Variants in SLCO1A2 observed in about 807,000 individuals in gnomAD.
SLCO1A2 encodes OATP-1.
Under a neutral mutation model 69.0 loss-of-function variants are expected in SLCO1A2, and 67 were observed. The ratio of observed to expected loss-of-function variants is 0.97; its 90% CI spans 0.80 to 1.19. The LOEUF (loss-of-function observed/expected upper bound fraction) is 1.19. Among genes scored for constraint, SLCO1A2 ranks in the 50% most tolerant of loss-of-function variants. The probability of loss-of-function intolerance (pLI) is 0.00; values close to 1 mark genes in which losing one functional copy is unlikely to be tolerated. For synonymous variants in SLCO1A2, 260 were observed against 265.9 expected, an observed-to-expected ratio of 0.98 and a Z score of 0.22; for missense variants, 787 against 793.7, an observed-to-expected ratio of 0.99 and a Z score of 0.10.
chr12:21,290,650 T>C (rs1383236042), intron 12 of SLCO1A2, among the ~76,000 whole-genome samples: 3 of 152,034 alleles, frequency 2.0e-5, no homozygotes, highest in Non-Finnish European at 4.4e-5. Flanking sequence ...CATATAAAAA[T>C]AGATTTGAGA....
intron 5 of SLCO1A2, 30 bp from the exon 6 acceptor site, chr12:21,304,603 G>C (rs778403373): frequency 1.9e-6 from 3 of 1,566,192 alleles, no homozygotes; most frequent in Non-Finnish European, 2.6e-6. Flanking sequence ...CATGACATTA[G>C]TGCTTTGACG....
chr12:21,374,403 G>C (rs1455951104), exon 2 of SLCO1A2: 1 of 152,164 alleles, frequency 6.6e-6, no homozygotes, highest in African/African-American at 2.4e-5. Flanking sequence ...GTTTACCTTT[G>C]TAAAGAGTGT....
At chr12:21,312,852 T>A (rs991016311) in intron 4 of SLCO1A2, among the ~76,000 whole-genome samples, 7 of 152,080 alleles carry the variant, frequency 4.6e-5, no homozygotes, top group Non-Finnish European at 8.8e-5. Flanking sequence ...GGCAGGCGCA[T>A]TGCTTGAACC....
At chr12:21,412,108 C>T (rs540327706) in intron 1 of SLCO1A2, among the ~76,000 whole-genome samples, 23 of 152,258 alleles carry the variant, frequency 1.5e-4, no homozygotes, top group African/African-American at 4.3e-4. Context: ...AGACTGGGCG[C>T]GGTGGCTTAT....
chr12:21,407,898 C>T (rs1380383018), intron 1 of SLCO1A2, among the ~76,000 whole-genome samples: 1 of 151,712 alleles, frequency 6.6e-6, no homozygotes, highest in Admixed American at 6.6e-5. Context: ...AGCCAAATCG[C>T]TACTGCAAAA....
At chr12:21,354,506 T>A (rs145987531) in intron 2 of SLCO1A2, among the ~76,000 whole-genome samples, 289 of 152,246 alleles carry the variant, frequency 1.9e-3, no homozygotes, top group African/African-American at 6.8e-3. Context: ...TGTGAGCATT[T>A]TCCAGAAAAA....
At position 21,373,979 on chromosome 12, in the gene SLCO1A2, T is replaced by C. The variant is rs1053439129; in HGVS notation, c.-63+420A>G. Among the ~76,000 whole-genome samples the C allele has an allele frequency of 3.9e-5, 6 of 152,286 alleles. 1 individual carries two copies. Among genetic ancestry groups the C allele is most frequent in the Non-Finnish European group, 4.4e-5 (3 of 68,004 alleles). ...AAGAAGTAGTTAAAAAGCCATTTGC[T>C]GTTGGGGGATTTATTCTATATTGCT... is the stretch of plus-strand genomic sequence containing the variant. On this transcript the variant is annotated intron_variant, in intron 2 of 15. Coordinates refer to the SLCO1A2 transcript ENST00000307378.
chr12:21,361,477 C>A (rs1433270164), intron 2 of SLCO1A2, among the ~76,000 whole-genome samples: 1 of 152,152 alleles, frequency 6.6e-6, no homozygotes, highest in Non-Finnish European at 1.5e-5. Flanking sequence ...ATTAGCGCAC[C>A]TCTTCTCCTC....
intron 12 of SLCO1A2, among the ~76,000 whole-genome samples, chr12:21,276,556 C>A (rs2086193): frequency 0.1 from 14,949 of 144,660 alleles, 1,009 homozygotes; most frequent in Non-Finnish European, 0.14. Context: ...AAAAAAAAAC[C>A]AAAAAAAACC....
At chr12:21,383,363 T>G (rs115804788) in intron 1 of SLCO1A2, among the ~76,000 whole-genome samples, 2,737 of 152,272 alleles carry the variant, frequency 0.018, 47 homozygotes, top group African/African-American at 0.039. Context: ...CTATAGCTGG[T>G]CCCTTAACGT....
At chr12:21,291,305 T>A (rs1283285533) in intron 12 of SLCO1A2, among the ~76,000 whole-genome samples, 1 of 152,148 alleles carries the variant, frequency 6.6e-6, no homozygotes, top group Non-Finnish European at 1.5e-5. Flanking sequence ...ACACAAAAAA[T>A]TCTAATATTT....
chr12:21,393,522 G>C (rs1330398359), intron 1 of SLCO1A2, among the ~76,000 whole-genome samples: 2 of 152,116 alleles, frequency 1.3e-5, no homozygotes, highest in Non-Finnish European at 2.9e-5. Flanking sequence ...AAGCTGCTTA[G>C]AGACCAGCCG....
chr12:21,293,842 T>C (rs1947293418), intron 11 of SLCO1A2, 103 bp downstream of exon 11: 1 of 921,528 alleles, frequency 1.1e-6, no homozygotes, highest in African/African-American at 1.7e-5. Flanking sequence ...AGTAATATGG[T>C]TTTGAGGAAA....
rs1491262397 is a variant in SLCO1A2 at position 21,299,886 on chromosome 12, ACG to A, written c.910+460_910+461del. ...TATATACGTGTGTGTATATATATAT[ACG>A]TGTATATATATATATACGTGTGTGT... On this transcript the variant is annotated intron_variant, in intron 8 of 14. Transcript: ENST00000683939. Among the ~76,000 whole-genome samples the A allele has an allele frequency of 5.4e-5, 3 of 55,586 alleles. No homozygotes were observed. The Admixed American group carries it at 8.3e-4, about 15-fold the overall frequency. 36.5% of individuals were successfully genotyped at this position (55,586 alleles called of 152,430 possible). A position where few individuals can be genotyped will look rare whatever the true frequency, so the allele number is the denominator to read the frequency against.
chr12:21,295,703 G>A lies in SLCO1A2; in HGVS notation c.1165C>T (p.His389Tyr). 6.2e-7 allele frequency: 1 copy of A among 1,607,904 alleles called. No homozygotes were observed. Among genetic ancestry groups the A allele is most frequent in the Non-Finnish European group, 8.5e-7 (1 of 1,174,646 alleles). Residue 389 changes from histidine (H) to tyrosine (Y), a missense_variant, in exon 10 of 15, where the codon CAC becomes TAC. Transcript: ENST00000683939. ...AGTAAGGATAACCAACATCCTATGTGGGCAGCTTGTTTGACAGTAATCTTG... is the reference window on the plus strand; with the variant it reads ...AGTAAGGATAACCAACATCCTATGTAGGCAGCTTGTTTGACAGTAATCTTG... Reference protein sequence around the residue: ...KFKITVKQAAHIGCWLSLLEY... With the variant: ...KFKITVKQAAYIGCWLSLLEY...
intron 8 of SLCO1A2, among the ~76,000 whole-genome samples, chr12:21,299,800 G>GTATA (rs200018541): frequency 2.9e-5 from 3 of 103,650 alleles, no homozygotes; most frequent in Non-Finnish European, 5.3e-5. Context: ...ACACACACAC[G>GTATA]TATATATATA....
chr12:21,337,290 A>C (rs985397059), upstream of SLCO1A2, among the ~76,000 whole-genome samples: 1 of 152,060 alleles, frequency 6.6e-6, no homozygotes, highest in Non-Finnish European at 1.5e-5. Flanking sequence ...GATAATACAA[A>C]GTTTTATAAA....
At chr12:21,358,569 C>A (rs954119269) in intron 2 of SLCO1A2, among the ~76,000 whole-genome samples, 3 of 151,948 alleles carry the variant, frequency 2.0e-5, no homozygotes, top group African/African-American at 7.3e-5. Flanking sequence ...GTGTATAGTT[C>A]TATCATCATA....
intron 1 of SLCO1A2, among the ~76,000 whole-genome samples, chr12:21,405,388 A>C (rs1941807366): frequency 6.6e-6 from 1 of 152,084 alleles, no homozygotes; most frequent in Non-Finnish European, 1.5e-5. Context: ...AACTATCATT[A>C]ACATTTTTCA....
Sources: gnomAD v4.1 joint callset for allele counts (sites outside exome capture counted in the v4.1 genomes callset) on GRCh38, gnomAD v4.1.1 for gene constraint, MANE v1.5 for transcripts, NCBI Gene and HGNC (gene_info 2026-07-23, HGNC 2026-07-21) for gene names.